ZNF385B: variants seen among roughly 807,000 people sequenced by gnomAD.
ZNF385B encodes the protein zinc finger protein 385B, also known as zinc finger protein 533.
ZNF385B carries 23 observed loss-of-function variants against 39.2 expected under a neutral mutation model. The ratio of observed to expected loss-of-function variants is 0.59; its 90% CI spans 0.42 to 0.83. The LOEUF is 0.83. Among genes scored for constraint, ZNF385B ranks in the 40% least tolerant of loss-of-function variants. The probability of loss-of-function intolerance (pLI) is 0.00; values close to 1 mark genes in which losing one functional copy is unlikely to be tolerated. For synonymous variants in ZNF385B, 205 were observed against 222.6 expected (o/e 0.92, Z 0.70); for missense variants, 552 against 598.9 (o/e 0.92, Z 0.82).
intron 3 of ZNF385B, among the ~76,000 whole-genome samples, chr2:179,684,819 G>A (rs1411367586): frequency 6.6e-6 from 1 of 152,166 alleles, no homozygotes; most frequent in Admixed American, 6.5e-5. Flanking sequence ...CCTCTCCGAG[G>A]ATTTAGGAAA....
intron 3 of ZNF385B, among the ~76,000 whole-genome samples, chr2:179,691,962 T>C (rs1196629880): frequency 6.6e-6 from 1 of 152,210 alleles, no homozygotes; most frequent in African/African-American, 2.4e-5. Flanking sequence ...TCAGGCTAAC[T>C]TGGGTATCCA....
chr2:179,846,015 C>A (rs999875372), intron 1 of ZNF385B, among the ~76,000 whole-genome samples: 1 of 152,214 alleles, frequency 6.6e-6, no homozygotes, highest in African/African-American at 2.4e-5. Context: ...CACTGGCATA[C>A]TTGCACATGG....
At position 179,683,410 on chromosome 2, in the gene ZNF385B, C is replaced by T. The variant is rs1360841338; in HGVS notation, c.298+86093G>A. ...AAAGAAAAAAAGGAGCTAAGAGTGGCTATCTCTGAGTGGTGTGTAAGAAGC... is the reference window on the plus strand; with the variant it reads ...AAAGAAAAAAAGGAGCTAAGAGTGGTTATCTCTGAGTGGTGTGTAAGAAGC... On this transcript the variant is annotated intron_variant, in intron 3 of 9. Coordinates refer to ENST00000410066, the MANE Select transcript of ZNF385B (RefSeq NM_152520.6). Among the ~76,000 whole-genome samples, 4 of 151,564 alleles carry T rather than the reference C, an allele frequency of 2.6e-5. No homozygotes were observed. In the East Asian group the frequency reaches 7.8e-4, roughly 29 times the overall value.
chr2:179,757,232 A>T (rs1236263813), intron 3 of ZNF385B, among the ~76,000 whole-genome samples: 1 of 152,230 alleles, frequency 6.6e-6, no homozygotes, highest in Non-Finnish European at 1.5e-5. Flanking sequence ...GGTCCACTCC[A>T]GACCCTGTTT....
chr2:179,645,434 A>G (rs191907346), intron 3 of ZNF385B, among the ~76,000 whole-genome samples: 13 of 152,314 alleles, frequency 8.5e-5, no homozygotes, highest in Admixed American at 6.5e-4. Flanking sequence ...ATGTATTTTG[A>G]TGTACTTAAT....
intron 3 of ZNF385B, among the ~76,000 whole-genome samples, chr2:179,559,694 C>CAT (rs1485551614): frequency 5.3e-5 from 8 of 151,738 alleles, no homozygotes; most frequent in East Asian, 1.9e-4. Context: ...TATTTTGATG[C>CAT]ATATATATAT....
intron 4 of ZNF385B, among the ~76,000 whole-genome samples, chr2:179,539,631 T>C (rs896721883): frequency 1.3e-5 from 2 of 152,164 alleles, no homozygotes; most frequent in African/African-American, 2.4e-5. Context: ...TAGGAGATCC[T>C]AATTCTAATG....
chr2:179,504,604 G>C (rs1020414706), intron 5 of ZNF385B, among the ~76,000 whole-genome samples: 1 of 151,688 alleles, frequency 6.6e-6, no homozygotes, highest in Non-Finnish European at 1.5e-5. Flanking sequence ...TAGTGGTTTT[G>C]ATTTGCATTT....
intron 3 of ZNF385B, among the ~76,000 whole-genome samples, chr2:179,709,706 T>C (rs1374199737): frequency 6.6e-6 from 1 of 152,200 alleles, no homozygotes; most frequent in African/African-American, 2.4e-5. Flanking sequence ...CTGACAGTAA[T>C]GTTCTACTTG....
intron 1 of ZNF385B, among the ~76,000 whole-genome samples, chr2:179,792,252 CA>C (rs1487502246): frequency 6.6e-6 from 1 of 151,966 alleles, no homozygotes; most frequent in Non-Finnish European, 1.5e-5. Flanking sequence ...GAGGGACCCC[CA>C]CAACTCTAAT....
At chr2:179,516,685 T>C (rs2058109517) in intron 5 of ZNF385B, among the ~76,000 whole-genome samples, 1 of 152,122 alleles carries the variant, frequency 6.6e-6, no homozygotes, top group Non-Finnish European at 1.5e-5. Context: ...AAATACTTTC[T>C]AGTAGTCTAT....
intron 1 of ZNF385B, among the ~76,000 whole-genome samples, chr2:179,771,394 T>A (rs1405888378): frequency 1.3e-5 from 2 of 152,238 alleles, no homozygotes; most frequent in African/African-American, 4.8e-5. Flanking sequence ...GTGAAGGTTG[T>A]CTGAACACTG....
intron 3 of ZNF385B, among the ~76,000 whole-genome samples, chr2:179,602,240 A>G (rs1393861198): frequency 6.6e-6 from 1 of 152,250 alleles, no homozygotes; most frequent in African/African-American, 2.4e-5. Context: ...CTCATTAACT[A>G]AAACACAACA....
chr2:179,583,594 T>C (rs1473409104), intron 3 of ZNF385B, among the ~76,000 whole-genome samples: 2 of 152,212 alleles, frequency 1.3e-5, no homozygotes, highest in Non-Finnish European at 2.9e-5. Flanking sequence ...CAAACTTTGT[T>C]TTCCCATAAC....
At chr2:179,759,329 T>C (rs1703229166) in intron 3 of ZNF385B, among the ~76,000 whole-genome samples, 1 of 152,186 alleles carries the variant, frequency 6.6e-6, no homozygotes, top group Admixed American at 6.5e-5. Context: ...CAGAGGCTCC[T>C]AGTTAACATA....
intron 3 of ZNF385B, among the ~76,000 whole-genome samples, chr2:179,719,802 T>C (rs764039861): frequency 6.6e-5 from 10 of 152,156 alleles, no homozygotes; most frequent in Non-Finnish European, 1.5e-4. Context: ...CTCACAAATA[T>C]ATGCAGGCTA....
Position 179,743,802 on chromosome 2 carries a change from G to C in ZNF385B, c.298+25701C>G, listed in dbSNP as rs142769198. Among the ~76,000 whole-genome samples, 1,155 of 152,172 alleles carry C rather than the reference G, an allele frequency of 7.6e-3. 10 individuals carry two copies. The highest frequency in any genetic ancestry group is 0.026 in the African/African-American group (1,062 of 41,526). ...TGTATTTAATATTAATATCATTTTA[G>C]CATTTGAGAGCTTTTGCTTTTCTAA... is the stretch of plus-strand genomic sequence containing the variant. On this transcript the variant is annotated intron_variant, in intron 3 of 9. Transcript: ENST00000410066.
intron 3 of ZNF385B, chr2:179,745,608 G>A (rs1360850872): frequency 8.0e-6 from 8 of 999,334 alleles, no homozygotes; most frequent in Middle Eastern, 4.4e-4. Context: ...AGCACAATGT[G>A]ATAAACACAA....
chr2:179,841,845 C>T (rs1169508277), intron 1 of ZNF385B, among the ~76,000 whole-genome samples: 1 of 152,140 alleles, frequency 6.6e-6, no homozygotes, highest in Non-Finnish European at 1.5e-5. Context: ...TGTCCTAGAA[C>T]CAGATGAGAT....
Sources: gnomAD v4.1 joint callset for allele counts (sites outside exome capture counted in the v4.1 genomes callset) on GRCh38, gnomAD v4.1.1 for gene constraint, MANE v1.5 for transcripts, NCBI Gene and HGNC (gene_info 2026-07-23, HGNC 2026-07-21) for gene names.